RARB: variants seen among roughly 807,000 people sequenced by gnomAD.
RARB encodes the protein HBV-activated protein.
RARB carries 17 observed loss-of-function variants against 51.9 expected under a neutral mutation model. The ratio of observed to expected loss-of-function variants is 0.33; its 90% CI spans 0.22 to 0.49. The LOEUF is 0.49. Among genes scored for constraint, RARB ranks in the 20% least tolerant of loss-of-function variants. RARB has a pLI of 0.99. For missense variants in RARB, 369 were observed against 550.8 expected (o/e 0.67, Z 3.30); for synonymous variants, 215 against 195.4 (o/e 1.10, Z -0.84).
At chr3:25,504,199 T>C (rs942097607) in intron 3 of RARB, among the ~76,000 whole-genome samples, 3 of 152,246 alleles carry the variant, frequency 2.0e-5, no homozygotes, top group African/African-American at 4.8e-5. Context: ...TGTTTGTTTT[T>C]GGGGCATTGT....
chr3:25,118,133 C>G (rs1179340397), intron 3 of RARB, among the ~76,000 whole-genome samples: 3 of 152,106 alleles, frequency 2.0e-5, no homozygotes, highest in African/African-American at 4.8e-5. Flanking sequence ...AGAAATTTCT[C>G]CAATAACTTT....
At chr3:25,366,057 T>C (rs1305800763) in intron 5 of RARB, among the ~76,000 whole-genome samples, 2 of 152,238 alleles carry the variant, frequency 1.3e-5, no homozygotes, top group African/African-American at 4.8e-5. Context: ...CATTTCTTCC[T>C]ACTGACTTTT....
intron 3 of RARB, among the ~76,000 whole-genome samples, chr3:25,076,291 C>G (rs1482288959): frequency 6.6e-6 from 1 of 152,148 alleles, no homozygotes; most frequent in African/African-American, 2.4e-5. Context: ...CAGGTACCCA[C>G]CACCATTCCG....
At chr3:25,405,448 T>C (rs898698399) in intron 5 of RARB, among the ~76,000 whole-genome samples, 1 of 152,188 alleles carries the variant, frequency 6.6e-6, no homozygotes, top group Non-Finnish European at 1.5e-5. Context: ...ACATCAGGCC[T>C]TGAGTTTGGT....
At chr3:25,301,630 A>T (rs1704040856) in intron 5 of RARB, among the ~76,000 whole-genome samples, 1 of 152,116 alleles carries the variant, frequency 6.6e-6, no homozygotes, top group Non-Finnish European at 1.5e-5. Context: ...ACCATCTTAA[A>T]CTGGAAATCT....
chr3:25,410,381 G>A (rs368603632), intron 5 of RARB, among the ~76,000 whole-genome samples: 14 of 152,144 alleles, frequency 9.2e-5, no homozygotes, highest in African/African-American at 3.4e-4. Flanking sequence ...ACATATTGCC[G>A]TGTCCTTTAG....
At chr3:25,253,172 G>A (rs1702772233) in intron 5 of RARB, among the ~76,000 whole-genome samples, 1 of 152,154 alleles carries the variant, frequency 6.6e-6, no homozygotes, top group Non-Finnish European at 1.5e-5. Flanking sequence ...AAGAGTTCTG[G>A]ATTTGGGTGG....
intron 2 of RARB, among the ~76,000 whole-genome samples, chr3:25,042,816 T>C (rs1452174558): frequency 6.6e-6 from 1 of 152,266 alleles, no homozygotes; most frequent in Non-Finnish European, 1.5e-5. Flanking sequence ...TTATCCTTCA[T>C]AACTGAAACT....
chr3:25,076,087 G>A (rs949564875), intron 3 of RARB, among the ~76,000 whole-genome samples: 6 of 151,852 alleles, frequency 4.0e-5, no homozygotes, highest in Non-Finnish European at 7.4e-5. Flanking sequence ...GATTTCAGCT[G>A]TCAGTTAGAT....
At chr3:25,124,472 A>G (rs1181113462) in intron 3 of RARB, among the ~76,000 whole-genome samples, 4 of 152,212 alleles carry the variant, frequency 2.6e-5, no homozygotes, top group Non-Finnish European at 4.4e-5. Flanking sequence ...TACCATGTTA[A>G]TAGGTATTTG....
intron 2 of RARB, among the ~76,000 whole-genome samples, chr3:25,467,007 C>T (rs1268566261): frequency 6.6e-6 from 1 of 152,230 alleles, no homozygotes; most frequent in Non-Finnish European, 1.5e-5. Context: ...GTCTGCTGCT[C>T]CACTTCCACA....
At chr3:25,379,868 C>G (rs540082209) in intron 5 of RARB, among the ~76,000 whole-genome samples, 2 of 152,036 alleles carry the variant, frequency 1.3e-5, no homozygotes, top group Non-Finnish European at 2.9e-5. Flanking sequence ...CCAGTTGTGT[C>G]TTAGATTCCA....
intron 2 of RARB, among the ~76,000 whole-genome samples, chr3:24,973,312 C>A (rs1013138369): frequency 2.0e-5 from 3 of 151,908 alleles, no homozygotes; most frequent in African/African-American, 7.2e-5. Flanking sequence ...TCTGGATTCT[C>A]TATTCTGTTC....
intron 3 of RARB, among the ~76,000 whole-genome samples, chr3:25,122,968 C>G (rs1358936685): frequency 9.9e-5 from 15 of 152,176 alleles, no homozygotes; most frequent in Admixed American, 9.8e-4. Flanking sequence ...ATCTACCCCA[C>G]TTCGCCACAG....
intron 1 of RARB, among the ~76,000 whole-genome samples, chr3:24,841,618 C>G (rs540422858): frequency 4.2e-4 from 64 of 152,240 alleles, no homozygotes; most frequent in African/African-American, 1.5e-3. Context: ...AACAAGTAGA[C>G]CAACAGAAGG....
At chr3:24,956,939 G>A (rs2125408900) in intron 2 of RARB, among the ~76,000 whole-genome samples, 1 of 152,346 alleles carries the variant, frequency 6.6e-6, no homozygotes, top group East Asian at 1.9e-4. Flanking sequence ...GTACAGTTAT[G>A]GGCCAATCCC....
intron 5 of RARB, among the ~76,000 whole-genome samples, chr3:25,277,912 T>G (rs1703432713): frequency 6.6e-6 from 1 of 152,210 alleles, no homozygotes; most frequent in South Asian, 2.1e-4. Flanking sequence ...TGACAACTCC[T>G]GACTTCTGAC....
intron 2 of RARB, among the ~76,000 whole-genome samples, chr3:24,868,003 T>C (rs142934709): frequency 2.0e-3 from 299 of 152,268 alleles, no homozygotes; most frequent in Non-Finnish European, 3.0e-3. Context: ...AGATGATTCA[T>C]CCTTACTAAG....
At chr3:24,916,767 CAAAA>C (rs386396164) in intron 2 of RARB, among the ~76,000 whole-genome samples, 6 of 112,790 alleles carry the variant, frequency 5.3e-5, no homozygotes, top group East Asian at 5.0e-4. Flanking sequence ...GTTTGCTGTT[CAAAA>C]AAAAAAAAAA....
Sources: gnomAD v4.1 joint callset for allele counts (sites outside exome capture counted in the v4.1 genomes callset) on GRCh38, gnomAD v4.1.1 for gene constraint, MANE v1.5 for transcripts, NCBI Gene and HGNC (gene_info 2026-07-23, HGNC 2026-07-21) for gene names.